FAM13A: variants seen among roughly 807,000 people sequenced by gnomAD.
FAM13A encodes protein FAM13A.
A neutral mutation model predicts 129.6 loss-of-function variants in FAM13A; 76 were observed. The ratio of observed to expected loss-of-function variants is 0.59; its 90% CI spans 0.49 to 0.71. FAM13A has a LOEUF of 0.71. FAM13A is among the 30% of genes least tolerant of loss of function. The probability of loss-of-function intolerance (pLI) is 0.00; values close to 1 mark genes in which losing one functional copy is unlikely to be tolerated. For missense variants in FAM13A, 1,108 were observed against 1,249.3 expected (o/e 0.89, Z 1.70); for synonymous variants, 443 against 449.9 (o/e 0.98, Z 0.20).
chr4:88,892,896 TA>T (rs76445669), intron 6 of FAM13A, among the ~76,000 whole-genome samples: 17,457 of 152,132 alleles, frequency 0.11, 1,248 homozygotes, highest in Non-Finnish European at 0.15. Flanking sequence ...TTGATCATAT[TA>T]AAAAAATCTT....
intron 3 of FAM13A, among the ~76,000 whole-genome samples, chr4:89,017,745 C>A (rs1766687823): frequency 6.6e-6 from 1 of 151,988 alleles, no homozygotes; most frequent in African/African-American, 2.4e-5. Flanking sequence ...TAAAATATTC[C>A]TTGTAAAAAG....
intron 1 of FAM13A, among the ~76,000 whole-genome samples, chr4:89,035,993 G>A (rs966330695): frequency 7.9e-5 from 12 of 152,188 alleles, no homozygotes; most frequent in Non-Finnish European, 1.5e-4. Context: ...TTACAGCAAT[G>A]TGAGAACAGA....
intron 7 of FAM13A, among the ~76,000 whole-genome samples, chr4:88,834,815 C>G (rs899051659): frequency 6.6e-6 from 1 of 152,096 alleles, no homozygotes; most frequent in African/African-American, 2.4e-5. Context: ...TGAATGAATA[C>G]TTTGTTAATA....
At chr4:88,939,460 T>A (rs1294292459) in intron 4 of FAM13A, among the ~76,000 whole-genome samples, 1 of 152,190 alleles carries the variant, frequency 6.6e-6, no homozygotes, top group Non-Finnish European at 1.5e-5. Flanking sequence ...AGGATAATCC[T>A]TATATCTCAA....
At chr4:89,038,153 A>G (rs971741675) in intron 1 of FAM13A, among the ~76,000 whole-genome samples, 2 of 152,356 alleles carry the variant, frequency 1.3e-5, no homozygotes, top group Non-Finnish European at 2.9e-5. Context: ...GGGGGCCAAC[A>G]TTACCTGTAT....
chr4:88,787,165 C>T (rs527915417), intron 10 of FAM13A, among the ~76,000 whole-genome samples: 61 of 152,120 alleles, frequency 4.0e-4, no homozygotes, highest in Non-Finnish European at 7.5e-4. Flanking sequence ...GAATAAAGCT[C>T]TTTGTAACAC....
At chr4:88,884,957 C>G (rs554980173) in intron 6 of FAM13A, among the ~76,000 whole-genome samples, 2 of 152,138 alleles carry the variant, frequency 1.3e-5, no homozygotes, top group African/African-American at 4.8e-5. Context: ...AGGTGAAAGA[C>G]CTCTACAAGG....
rs762657172 is a variant in FAM13A, at chr4:88,749,860, T to G, written c.1990A>C (p.Thr664Pro). 6.2e-7 allele frequency: 1 copy of G among 1,614,086 alleles called. No homozygotes were observed. The highest frequency in any genetic ancestry group is 8.5e-7 in the Non-Finnish European group (1 of 1,179,972). Residue 664 changes from threonine (T) to proline (P), a missense_variant, in exon 16 of 24, where the codon ACA becomes CCA. This residue lies in a region of FAM13A where 529 missense variants were observed against 621.2 expected (regional missense o/e 0.85). Transcript: ENST00000264344. ...GSYDDEQEDLTPAQLTRRIQS... is the reference protein window; with the variant it reads ...GSYDDEQEDLPPAQLTRRIQS... ...ATCCTTCGTGTGAGCTGGGCAGGTGTCAGGTCCTCTTGCTCATCATCATAG... is the reference window on the plus strand; with the variant it reads ...ATCCTTCGTGTGAGCTGGGCAGGTGGCAGGTCCTCTTGCTCATCATCATAG...
chr4:89,051,231 C>T (rs1261481476), intron 1 of FAM13A, among the ~76,000 whole-genome samples: 1 of 152,140 alleles, frequency 6.6e-6, no homozygotes, highest in Non-Finnish European at 1.5e-5. Context: ...CCTACAGATT[C>T]AGTGTCTAAT....
At chr4:88,809,005 T>G (rs1276038952) in intron 7 of FAM13A, among the ~76,000 whole-genome samples, 3 of 152,180 alleles carry the variant, frequency 2.0e-5, no homozygotes, top group Non-Finnish European at 4.4e-5. Flanking sequence ...CCTGTCTAAC[T>G]TATTTTTTAT....
rs186581219 is a variant in FAM13A at position 88,925,440 on chromosome 4, T to C, written c.759+12648A>G. Among the ~76,000 whole-genome samples the C allele has an allele frequency of 1.3e-3, 200 of 151,420 alleles. 2 individuals are homozygous for C. Among genetic ancestry groups the C allele is most frequent in the African/African-American group, 4.3e-3 (179 of 41,242 alleles). ...TGAAATTGGAAATCATCATTCTCAG[T>C]AAACTATCGCAAGGACAAAAAACCA... On this transcript the variant is annotated intron_variant, in intron 5 of 23. Transcript: ENST00000264344.
chr4:88,749,658 G>T (rs1742135126), intron 16 of FAM13A, 113 bp downstream of exon 16: 2 of 1,100,462 alleles, frequency 1.8e-6, no homozygotes, highest in Admixed American at 2.2e-5. Context: ...CCTTTTTGTT[G>T]TAAGATTCCC....
At chr4:88,731,302 G>A (rs1312925377) in intron 23 of FAM13A, 25 bp downstream of exon 23, 2 of 1,313,628 alleles carry the variant, frequency 1.5e-6, no homozygotes, top group East Asian at 4.7e-5. Context: ...GGGGGGAAGG[G>A]AGGGTGGGGG....
rs573960930 is a variant in FAM13A, at chr4:88,823,789, C to T, written c.1008-18737G>A. ...TGTTTACACTGCGGTGGTTACTAGTCGCTGGTGACATCACCCAGCGCACGT... is the reference window on the plus strand; with the variant it reads ...TGTTTACACTGCGGTGGTTACTAGTTGCTGGTGACATCACCCAGCGCACGT... On this transcript the variant is annotated intron_variant, in intron 7 of 23. Coordinates refer to ENST00000264344, the MANE Select transcript of FAM13A (RefSeq NM_014883.4). Among the ~76,000 whole-genome samples the T allele has an allele frequency of 2.6e-5, 4 of 152,270 alleles. No homozygotes were observed. The South Asian group carries it at 8.3e-4, about 32-fold the overall frequency.
rs535685874 is a variant in FAM13A at position 88,838,401 on chromosome 4, T to A, written c.1007+12619A>T. Among the ~76,000 whole-genome samples the A allele has an allele frequency of 1.9e-4, 29 of 152,310 alleles. No homozygotes were observed. The South Asian group carries it at 5.6e-3, about 29-fold the overall frequency. ...ATCTTTCAGCACATTGAGAATGATA[T>A]CTGTAGAATAATTTCCTAGGATAAT... On this transcript the variant is annotated intron_variant, in intron 7 of 23. Coordinates refer to ENST00000264344, the MANE Select transcript of FAM13A (RefSeq NM_014883.4).
intron 6 of FAM13A, among the ~76,000 whole-genome samples, chr4:88,897,918 G>T (rs1329722631): frequency 6.6e-6 from 1 of 152,106 alleles, no homozygotes; most frequent in Non-Finnish European, 1.5e-5. Flanking sequence ...AGTTTAGTTT[G>T]CTCATGTAAA....
At chr4:88,740,197 C>A (rs1739934918) in intron 19 of FAM13A, among the ~76,000 whole-genome samples, 1 of 152,216 alleles carries the variant, frequency 6.6e-6, no homozygotes, top group Non-Finnish European at 1.5e-5. Context: ...CTTCTCTGTG[C>A]AGCCTTCTTC....
intron 10 of FAM13A, among the ~76,000 whole-genome samples, chr4:88,785,619 A>C (rs945208040): frequency 6.6e-6 from 1 of 152,192 alleles, no homozygotes; most frequent in African/African-American, 2.4e-5. Flanking sequence ...GCACTGGATC[A>C]AAGAAGGTGA....
At chr4:89,052,235 A>G (rs528806889) in intron 1 of FAM13A, among the ~76,000 whole-genome samples, 5 of 147,320 alleles carry the variant, frequency 3.4e-5, no homozygotes, top group African/African-American at 1.0e-4. Flanking sequence ...AGATGTAAGG[A>G]GGTTCTGGGC....
Sources: allele counts gnomAD v4.1 joint callset (sites outside exome capture counted in the v4.1 genomes callset), GRCh38; gene constraint gnomAD v4.1.1; regional missense constraint gnomAD v4.1.1; transcripts MANE v1.5; gene names NCBI Gene and HGNC (gene_info 2026-07-23, HGNC 2026-07-21).